Variants in FSTL4 observed in about 807,000 individuals in gnomAD.
FSTL4 encodes the protein follistatin-related protein 4.
FSTL4 carries 28 observed loss-of-function variants against 78.2 expected under a neutral mutation model. That is an observed-to-expected ratio of 0.36 (90% CI 0.27 to 0.49). FSTL4 has a LOEUF of 0.49. FSTL4 is among the 20% of genes least tolerant of loss of function. The probability of loss-of-function intolerance (pLI) is 0.98; values close to 1 mark genes in which losing one functional copy is unlikely to be tolerated. For synonymous variants in FSTL4, 422 were observed against 440.5 expected, an observed-to-expected ratio of 0.96 and a Z score of 0.53; for missense variants, 922 against 1,084.9, an observed-to-expected ratio of 0.85 and a Z score of 2.11.
the FSTL4 span, among the ~76,000 whole-genome samples, chr5:133,836,818 G>A: frequency 3.9e-5 from 6 of 152,088 alleles, no homozygotes; most frequent in Non-Finnish European, 5.9e-5. Context: ...TCAGTGTCAC[G>A]CTCACTGTTG....
intron 3 of FSTL4, among the ~76,000 whole-genome samples, chr5:133,459,514 T>C (rs1757553631): frequency 6.6e-6 from 1 of 152,358 alleles, no homozygotes; most frequent in South Asian, 2.1e-4. Context: ...TTTTAAAAAT[T>C]GTTTTGCTCT....
At chr5:133,599,993 G>A (rs256247) in intron 2 of FSTL4, among the ~76,000 whole-genome samples, 68,619 of 151,994 alleles carry the variant, frequency 0.45, 15,765 homozygotes, top group East Asian at 0.61. Flanking sequence ...CTCAAATACA[G>A]AATTCTATCA....
intron 3 of FSTL4, among the ~76,000 whole-genome samples, chr5:133,465,521 T>C (rs1259417431): frequency 6.6e-6 from 1 of 151,970 alleles, no homozygotes; most frequent in Non-Finnish European, 1.5e-5. Context: ...GTGGGAGCGG[T>C]GGTTGTTCAG....
chr5:133,348,210 T>G (rs918747070), intron 4 of FSTL4, among the ~76,000 whole-genome samples: 6 of 152,236 alleles, frequency 3.9e-5, no homozygotes, highest in Admixed American at 1.3e-4. Context: ...TGAAGGCTTT[T>G]GATTTGCAGA....
intron 4 of FSTL4, among the ~76,000 whole-genome samples, chr5:133,352,375 T>TATATATACAC (rs1561683059): frequency 4.2e-5 from 6 of 142,812 alleles, no homozygotes; most frequent in African/African-American, 1.6e-4. Context: ...TATATACACA[T>TATATATACAC]ATATATATAT....
the FSTL4 span, among the ~76,000 whole-genome samples, chr5:133,631,440 A>T: frequency 6.6e-6 from 1 of 152,184 alleles, no homozygotes; most frequent in Non-Finnish European, 1.5e-5. Flanking sequence ...AATCAAAACC[A>T]CAATGAGATA....
intron 4 of FSTL4, among the ~76,000 whole-genome samples, chr5:133,360,477 T>A (rs80281642): frequency 6.5e-5 from 6 of 92,898 alleles, no homozygotes; most frequent in African/African-American, 2.5e-4. Context: ...GCAATAATTT[T>A]TTTTTTTTTT....
chr5:133,318,314 C>G (rs547111955), intron 4 of FSTL4, among the ~76,000 whole-genome samples: 1 of 152,138 alleles, frequency 6.6e-6, no homozygotes, highest in African/African-American at 2.4e-5. Flanking sequence ...GTCTGTAGAG[C>G]TACAGGGCAT....
chr5:133,287,428 C>G (rs548391969), intron 6 of FSTL4, among the ~76,000 whole-genome samples: 1 of 151,858 alleles, frequency 6.6e-6, no homozygotes, highest in African/African-American at 2.4e-5. Flanking sequence ...ACTATTCTAC[C>G]GAGGAGGTGA....
chr5:133,457,755 T>C (rs945213212), intron 3 of FSTL4: 12 of 152,238 alleles, frequency 7.9e-5, no homozygotes, highest in African/African-American at 2.9e-4. Context: ...TCCCCATACA[T>C]TTCCCCATTC....
At chr5:133,683,474 G>A in the FSTL4 span, among the ~76,000 whole-genome samples, 2 of 151,912 alleles carry the variant, frequency 1.3e-5, no homozygotes, top group Non-Finnish European at 2.9e-5. Context: ...GTTTTTAATT[G>A]AGAAAAAAAT....
chr5:133,723,454 G>A, the FSTL4 span, among the ~76,000 whole-genome samples: 1 of 152,170 alleles, frequency 6.6e-6, no homozygotes, highest in Non-Finnish European at 1.5e-5. Context: ...TGGGGTAGTG[G>A]GACATGGCAG....
At chr5:133,453,832 C>T (rs1006611575) in intron 3 of FSTL4, among the ~76,000 whole-genome samples, 7 of 152,220 alleles carry the variant, frequency 4.6e-5, no homozygotes, top group Non-Finnish European at 1.0e-4. Flanking sequence ...GGAACAGTGG[C>T]TGCCCAGCCT....
intron 12 of FSTL4, among the ~76,000 whole-genome samples, chr5:133,219,444 C>T (rs1441150849): frequency 6.6e-6 from 1 of 152,158 alleles, no homozygotes; most frequent in Non-Finnish European, 1.5e-5. Flanking sequence ...GGGATTTGAA[C>T]CCAAGTCTAC....
At chr5:133,715,203 T>C in the FSTL4 span, among the ~76,000 whole-genome samples, 1 of 152,202 alleles carries the variant, frequency 6.6e-6, no homozygotes, top group African/African-American at 2.4e-5. Flanking sequence ...TTGCATAAAC[T>C]CCAATTTCCT....
chr5:133,287,185 G>A (rs1753151685), intron 6 of FSTL4, among the ~76,000 whole-genome samples: 1 of 152,004 alleles, frequency 6.6e-6, no homozygotes, highest in African/African-American at 2.4e-5. Flanking sequence ...TCAGGAGATC[G>A]AGACCATCCT....
intron 3 of FSTL4, among the ~76,000 whole-genome samples, chr5:133,476,348 C>T (rs537244529): frequency 6.6e-6 from 1 of 152,172 alleles, no homozygotes; most frequent in Non-Finnish European, 1.5e-5. Flanking sequence ...CTTGTGTATA[C>T]CACATTGCAG....
At chr5:133,668,751 G>T in the FSTL4 span, among the ~76,000 whole-genome samples, 1,163 of 152,252 alleles carry the variant, frequency 7.6e-3, 10 homozygotes, top group Middle Eastern at 0.037. Context: ...CAAGCTGGGG[G>T]TTAAGGCTGC....
intron 13 of FSTL4, among the ~76,000 whole-genome samples, chr5:133,214,015 T>C (rs1364685294): frequency 6.6e-6 from 1 of 152,196 alleles, no homozygotes; most frequent in African/African-American, 2.4e-5. Context: ...AAGAGGGATA[T>C]TTTGTAAGAA....
Sources: allele counts gnomAD v4.1 joint callset (sites outside exome capture counted in the v4.1 genomes callset), GRCh38; gene constraint gnomAD v4.1.1; transcripts MANE v1.5; gene names NCBI Gene and HGNC (gene_info 2026-07-23, HGNC 2026-07-21).